The following TSPAN14 variants were observed in gnomAD, a reference collection of about 807,000 sequenced individuals.
TSPAN14 encodes the protein tetraspanin 14, also known as tetraspanin-14.
In TSPAN14, 16 loss-of-function variants were observed where a neutral mutation model predicts 36.6. The observed-to-expected ratio is 0.44, with a 90% CI of 0.30 to 0.66. The LOEUF (loss-of-function observed/expected upper bound fraction) is 0.66. Among genes scored for constraint, TSPAN14 ranks in the 30% least tolerant of loss-of-function variants. The probability of loss-of-function intolerance (pLI) is 0.12; values close to 1 mark genes in which losing one functional copy is unlikely to be tolerated. For missense variants in TSPAN14, 231 were observed against 355.1 expected, an observed-to-expected ratio of 0.65 and a Z score of 2.81; for synonymous variants, 139 against 143.8, an observed-to-expected ratio of 0.97 and a Z score of 0.24.
chr10:80,521,515 T>A (rs956629926), exon 9 of TSPAN14: 1 of 152,208 alleles, frequency 6.6e-6, no homozygotes, highest in African/African-American at 2.4e-5. Flanking sequence ...TGGGAACCTG[T>A]CCCCCATGAT....
At chr10:80,475,207 AG>A (rs1352339365) in intron 1 of TSPAN14, among the ~76,000 whole-genome samples, 1 of 152,196 alleles carries the variant, frequency 6.6e-6, no homozygotes, top group Admixed American at 6.5e-5. Context: ...AGGGAGTGTC[AG>A]TGTTGCAGTG....
intron 2 of TSPAN14, among the ~76,000 whole-genome samples, chr10:80,493,156 C>A (rs1056404202): frequency 4.6e-5 from 7 of 152,052 alleles, no homozygotes; most frequent in African/African-American, 1.7e-4. Context: ...GTTTTTAGTG[C>A]AAAAATCTCA....
rs565436703 is a variant in TSPAN14, at chr10:80,501,900, C to T, written c.82-2828C>T. ...TGCCTACTGAGGGCCAAGCCCTCCT[C>T]GTTGTTGGGCTGCAACTCTGAACAA... is the stretch of plus-strand genomic sequence containing the variant. On this transcript the variant is annotated intron_variant, in intron 2 of 8. Coordinates refer to ENST00000429989, the Ensembl canonical transcript of TSPAN14. 4.6e-5 allele frequency among the ~76,000 whole-genome samples: 7 copies of T among 152,208 alleles called. No individual in the cohort carries two copies. In the South Asian group the frequency reaches 1.0e-3, roughly 23 times the overall value.
At chr10:80,454,879 C>T (rs114113383) in intron 1 of TSPAN14, among the ~76,000 whole-genome samples, 4,614 of 152,204 alleles carry the variant, frequency 0.03, 229 homozygotes, top group African/African-American at 0.1. Flanking sequence ...GCGGGCCGCC[C>T]CTTCCTCCTG....
At position 80,509,316 on chromosome 10, in the gene TSPAN14, G is replaced by A. The variant is rs771572600; in HGVS notation, c.295G>A (p.Val99Met). The change falls in exon 5 of 9, where the codon GTG becomes ATG. Residue 99 changes from valine (V) to methionine (M), a missense_variant. Transcript: ENST00000429989. The surrounding 1 kb of genome is among the most constrained non-coding windows in gnomAD (Gnocchi z 4.7). ...TCCCCTGCAGTTCTGTGGCACCATC[G>A]TGCTCATCTTCTTCCTGGAGCTGGC... The A allele has an allele frequency of 5.6e-6, 9 of 1,613,858 alleles. No individual in the cohort carries two copies. Among genetic ancestry groups the A allele is most frequent in the South Asian group, 1.1e-5 (1 of 91,062 alleles).
intron 3 of TSPAN14, among the ~76,000 whole-genome samples, chr10:80,506,161 TG>T (rs372084991): frequency 3.3e-5 from 5 of 152,292 alleles, no homozygotes; most frequent in Middle Eastern, 6.8e-3. Context: ...TAGGTAGAGA[TG>T]GGGTTTTGCC....
chr10:80,519,063 C>A (rs1474560066), exon 9 of TSPAN14: 2 of 152,792 alleles, frequency 1.3e-5, no homozygotes, highest in Non-Finnish European at 2.9e-5. Flanking sequence ...CACTGCAAGC[C>A]CAGGGAGCCC....
At chr10:80,513,290 C>T (rs1840756973) in intron 6 of TSPAN14, among the ~76,000 whole-genome samples, 1 of 151,848 alleles carries the variant, frequency 6.6e-6, no homozygotes, top group Non-Finnish European at 1.5e-5. Flanking sequence ...TGAAGGAGCT[C>T]TGAATTTTGC....
At chr10:80,520,411 G>A in exon 9 of TSPAN14, 1 of 412,196 alleles carries the variant, frequency 2.4e-6, no homozygotes, top group Non-Finnish European at 4.8e-6. Context: ...AGCATCGGCT[G>A]TCCGCACAGA....
At chr10:80,461,960 C>T (rs1425305361) in intron 1 of TSPAN14, among the ~76,000 whole-genome samples, 2 of 151,496 alleles carry the variant, frequency 1.3e-5, no homozygotes, top group South Asian at 2.1e-4. Flanking sequence ...GTTGCCCAGG[C>T]TGGAGTGCAG....
intron 1 of TSPAN14, among the ~76,000 whole-genome samples, chr10:80,457,018 C>T (rs1485135182): frequency 3.3e-5 from 5 of 152,004 alleles, no homozygotes; most frequent in South Asian, 2.1e-4. Flanking sequence ...GCTGAGATCG[C>T]GCCGTTGCAC....
At chr10:80,470,155 A>T (rs2880601) in intron 1 of TSPAN14, among the ~76,000 whole-genome samples, 22,501 of 152,082 alleles carry the variant, frequency 0.15, 2,367 homozygotes, top group African/African-American at 0.3. Flanking sequence ...GTGCGTTCTC[A>T]GCTCACTGAA....
At chr10:80,460,115 G>A (rs187928029) in intron 1 of TSPAN14, among the ~76,000 whole-genome samples, 285 of 152,298 alleles carry the variant, frequency 1.9e-3, no homozygotes, top group African/African-American at 5.8e-3. Context: ...AGGAATTATC[G>A]CAATGGATTT....
intron 8 of TSPAN14, among the ~76,000 whole-genome samples, chr10:80,517,546 C>T (rs1383063183): frequency 6.6e-6 from 1 of 152,208 alleles, no homozygotes; most frequent in Non-Finnish European, 1.5e-5. Flanking sequence ...GGAATGAGAA[C>T]CAGTCAGCGT....
At chr10:80,458,635 T>C (rs1845836106) in intron 1 of TSPAN14, among the ~76,000 whole-genome samples, 1 of 152,180 alleles carries the variant, frequency 6.6e-6, no homozygotes, top group East Asian at 1.9e-4. Context: ...GAATGAAGTT[T>C]TGAGAGTCTT....
At position 80,509,545 on chromosome 10, in the gene TSPAN14, G is replaced by T. The variant is rs922746519; in HGVS notation, c.450+74G>T. 1 of 1,508,118 alleles carries T rather than the reference G, an allele frequency of 6.6e-7. No individual in the cohort carries two copies. The highest frequency in any genetic ancestry group is 1.4e-5 in the African/African-American group (1 of 72,336). 93.4% of individuals were successfully genotyped at this position (1,508,118 alleles called of 1,614,324 possible). A position where few individuals can be genotyped will look rare whatever the true frequency, so the allele number is the denominator to read the frequency against. Reference sequence around the variant, plus strand: ...CTGCCTGGAGCTGAGTCTAGCAGGGGCATCAGGCCTTCTCTGTGGGTTGTC... The same window carrying T: ...CTGCCTGGAGCTGAGTCTAGCAGGGTCATCAGGCCTTCTCTGTGGGTTGTC... On this transcript the variant is annotated intron_variant, in intron 5 of 8. Transcript: ENST00000429989. The surrounding 1 kb of genome is among the most constrained non-coding windows in gnomAD (Gnocchi z 4.7).
chr10:80,487,953 C>T (rs1847706728), intron 1 of TSPAN14, among the ~76,000 whole-genome samples: 2 of 152,190 alleles, frequency 1.3e-5, no homozygotes, highest in Admixed American at 1.3e-4. Context: ...ACTTCTTTCT[C>T]AGAACATTGC....
intron 1 of TSPAN14, among the ~76,000 whole-genome samples, chr10:80,464,683 T>C (rs955827613): frequency 6.6e-6 from 1 of 152,182 alleles, no homozygotes; most frequent in Non-Finnish European, 1.5e-5. Context: ...GGCCAGAGCT[T>C]CCCATGTGCA....
intron 1 of TSPAN14, among the ~76,000 whole-genome samples, chr10:80,481,343 A>C (rs1359735768): frequency 6.6e-6 from 1 of 152,214 alleles, no homozygotes; most frequent in African/African-American, 2.4e-5. Flanking sequence ...GAAAAAACTC[A>C]GGGTAGATTT....
Sources: allele counts gnomAD v4.1 joint callset (sites outside exome capture counted in the v4.1 genomes callset), GRCh38; gene constraint gnomAD v4.1.1; non-coding constraint Gnocchi (gnomAD v3.1); transcripts MANE v1.5; gene names NCBI Gene and HGNC (gene_info 2026-07-23, HGNC 2026-07-21).